Variants in SOX6 observed in about 807,000 individuals in gnomAD.
The protein encoded by SOX6 is SRY-box transcription factor 6, also known as transcription factor SOX-6.
A neutral mutation model predicts 97.8 loss-of-function variants in SOX6; 11 were observed. That is an observed-to-expected ratio of 0.11 (90% CI 0.07 to 0.19). SOX6 has a LOEUF of 0.19. Ranked by LOEUF, SOX6 falls within the 10% of genes least tolerant of loss-of-function variation. The pLI, the probability that SOX6 is intolerant of heterozygous loss-of-function variation, is 1.00. For synonymous variants in SOX6, 360 were observed against 371.4 expected (o/e 0.97, Z 0.35); for missense variants, 810 against 1,039.5 (o/e 0.78, Z 3.04).
chr11:16,234,652 T>G lies in SOX6; in HGVS notation c.465A>C (p.Lys155Asn), dbSNP rs575702672. Residue 155 changes from lysine to asparagine, a missense_variant, in exon 4 of 16, where the codon AAA (lysine) becomes AAC (asparagine). Physicochemically the swap from Lys to Asn is moderately conservative, Grantham distance 94 (BLOSUM62 0). This residue lies in a region of SOX6 where 110 missense variants were observed against 119.0 expected (regional missense o/e 0.92). Transcript: ENST00000683767. ...TEQEDSSCME[K>N]LLSKDWKEKM... ...TTTCCTTCCAATCTTTTGAAAGTAG[T>G]TTTTCCATGCAGGAGGAATCTATTA... 7 of 1,589,546 alleles carry G rather than the reference T, an allele frequency of 4.4e-6. No homozygotes were observed. The highest frequency in any genetic ancestry group is 6.0e-6 in the Non-Finnish European group (7 of 1,162,154).
In SOX6 at chr11:16,521,644, C is replaced by A. The variant is rs571239319; in HGVS notation, n.610-45256G>T. Among the ~76,000 whole-genome samples the A allele has an allele frequency of 1.2e-3, 187 of 152,246 alleles. 1 individual carries two copies. Among genetic ancestry groups the A allele is most frequent in the African/African-American group, 4.4e-3 (181 of 41,532 alleles). Reference sequence around the variant, plus strand: ...AAAGCTGGATGGAGAATTACTTTGACGAGTTAAGAGAAGGCTTCAGATGAT... The same window carrying A: ...AAAGCTGGATGGAGAATTACTTTGAAGAGTTAAGAGAAGGCTTCAGATGAT... On this transcript the variant is annotated intron_variant and non_coding_transcript_variant, in intron 4 of 5. Coordinates refer to the SOX6 transcript ENST00000524520.
At chr11:16,343,006 A>G (rs540933329) in intron 1 of SOX6, among the ~76,000 whole-genome samples, 1 of 152,008 alleles carries the variant, frequency 6.6e-6, no homozygotes, top group African/African-American at 2.4e-5. Context: ...AAAGAGTGCT[A>G]TATCAATAAA....
chr11:16,518,229 T>C (rs2133158245), intron 4 of SOX6, among the ~76,000 whole-genome samples: 1 of 152,278 alleles, frequency 6.6e-6, no homozygotes, highest in East Asian at 1.9e-4. Flanking sequence ...GTTCACTGCT[T>C]CCTCAAAATA....
chr11:16,091,917 C>A (rs1210416528), intron 9 of SOX6, among the ~76,000 whole-genome samples: 1 of 152,010 alleles, frequency 6.6e-6, no homozygotes. Context: ...GCTTAGTGAA[C>A]TTTAAATGCT....
At chr11:16,323,225 A>G (rs1855979002) in intron 2 of SOX6, among the ~76,000 whole-genome samples, 1 of 152,184 alleles carries the variant, frequency 6.6e-6, no homozygotes, top group South Asian at 2.1e-4. Flanking sequence ...ATATGTGTAG[A>G]TGATTGAAAA....
At position 16,456,586 on chromosome 11, in the gene SOX6, C is replaced by A. The variant is rs187317124; in HGVS notation, c.-5+19729G>T. 8.5e-4 allele frequency among the ~76,000 whole-genome samples: 129 copies of A among 152,184 alleles called. 1 individual carries two copies. Among genetic ancestry groups the A allele is most frequent in the African/African-American group, 3.1e-3 (127 of 41,528 alleles). On this transcript the variant is annotated intron_variant, in intron 1 of 15. Transcript: ENST00000396356. Reference sequence around the variant, plus strand: ...TTGCCAAGTCACTCGAGATACCAGGCAGATGACTTAAGGTGGCTGTTCATT... The same window carrying A: ...TTGCCAAGTCACTCGAGATACCAGGAAGATGACTTAAGGTGGCTGTTCATT...
At chr11:16,666,089 T>C (rs2134021656) in intron 3 of SOX6, among the ~76,000 whole-genome samples, 1 of 152,186 alleles carries the variant, frequency 6.6e-6, no homozygotes, top group African/African-American at 2.4e-5. Context: ...AATGGACAGA[T>C]ACAAACAAGC....
intron 3 of SOX6, among the ~76,000 whole-genome samples, chr11:16,289,414 A>T (rs1854843111): frequency 6.6e-6 from 1 of 151,986 alleles, no homozygotes; most frequent in Admixed American, 6.6e-5. Context: ...TCTCTTAAAT[A>T]GCTAAGGTTT....
intron 9 of SOX6, among the ~76,000 whole-genome samples, chr11:16,066,914 G>C (rs1456081823): frequency 6.6e-6 from 1 of 152,152 alleles, no homozygotes; most frequent in East Asian, 1.9e-4. Context: ...GTGGGACATG[G>C]AGTCAAAGAA....
At chr11:16,712,575 T>C (rs1318003247) in intron 3 of SOX6, among the ~76,000 whole-genome samples, 3 of 152,222 alleles carry the variant, frequency 2.0e-5, no homozygotes, top group Non-Finnish European at 2.9e-5. Flanking sequence ...TTCATGTCCT[T>C]AGTTACTAGA....
chr11:16,362,596 G>C (rs1857237227), intron 1 of SOX6, among the ~76,000 whole-genome samples: 1 of 152,044 alleles, frequency 6.6e-6, no homozygotes, highest in Non-Finnish European at 1.5e-5. Flanking sequence ...TGACTATACA[G>C]AAGCATTGCA....
At position 15,972,010 on chromosome 11, in the gene SOX6, C is replaced by A. The variant is rs1008587177; in HGVS notation, c.*799G>T. 1 of 152,650 alleles carries A rather than the reference C, an allele frequency of 6.6e-6. No homozygotes were observed. Among genetic ancestry groups the A allele is most frequent in the East Asian group, 1.9e-4 (1 of 5,178 alleles). 9.5% of individuals were successfully genotyped at this position (152,650 alleles called of 1,614,324 possible). A position where few individuals can be genotyped will look rare whatever the true frequency, so the allele number is the denominator to read the frequency against. ...GTTGCTCTGGTGTGTGTATGTCATA[C>A]CACATCACGCACTGATGGCACGTCA... On this transcript the variant is annotated 3_prime_UTR_variant, in exon 16 of 16. Coordinates refer to ENST00000683767, the MANE Select transcript of SOX6 (RefSeq NM_001367873.1).
intron 3 of SOX6, among the ~76,000 whole-genome samples, chr11:16,276,680 C>T (rs1326143350): frequency 6.6e-6 from 1 of 152,202 alleles, no homozygotes; most frequent in African/African-American, 2.4e-5. Context: ...CAATCAAGTC[C>T]TAACATTGTC....
intron 1 of SOX6, among the ~76,000 whole-genome samples, chr11:16,456,986 C>G (rs1197921585): frequency 6.6e-6 from 1 of 152,008 alleles, no homozygotes; most frequent in Non-Finnish European, 1.5e-5. Flanking sequence ...ACCTTATATT[C>G]TATCTTGATG....
At chr11:16,479,099 A>G (rs1350209398), upstream of SOX6, among the ~76,000 whole-genome samples, 3 of 152,252 alleles carry the variant, frequency 2.0e-5, no homozygotes, top group Non-Finnish European at 2.9e-5. Flanking sequence ...CAAACAATCA[A>G]TAATCCAACC....
intron 2 of SOX6, among the ~76,000 whole-genome samples, chr11:16,718,978 TAA>T (rs558276025): frequency 3.0e-4 from 26 of 86,788 alleles, no homozygotes; most frequent in Middle Eastern, 6.0e-3. Context: ...TTTTTAAAAT[TAA>T]AAAAAAAAAA....
intron 4 of SOX6, among the ~76,000 whole-genome samples, chr11:16,556,008 T>C (rs1847744446): frequency 6.6e-6 from 1 of 151,680 alleles, no homozygotes; most frequent in African/African-American, 2.4e-5. Flanking sequence ...AACAAAAGTC[T>C]GTTTAATTAA....
At chr11:16,137,826 A>G (rs1306317188) in intron 6 of SOX6, among the ~76,000 whole-genome samples, 1 of 152,152 alleles carries the variant, frequency 6.6e-6, no homozygotes, top group Non-Finnish European at 1.5e-5. Flanking sequence ...ATAGTGAGTT[A>G]GTTCTCAGGA....
chr11:16,432,742 C>T (rs552595867), intron 1 of SOX6, among the ~76,000 whole-genome samples: 3 of 152,078 alleles, frequency 2.0e-5, no homozygotes, highest in African/African-American at 7.2e-5. Context: ...TAAACAAACA[C>T]CAAAATCCAG....
Sources: gnomAD v4.1 joint callset for allele counts (sites outside exome capture counted in the v4.1 genomes callset) on GRCh38, gnomAD v4.1.1 for gene constraint, gnomAD v4.1.1 regional missense constraint, MANE v1.5 for transcripts, NCBI Gene and HGNC (gene_info 2026-07-23, HGNC 2026-07-21) for gene names.